The following EIF2S2 variants were observed in gnomAD, a reference collection of about 807,000 sequenced individuals.
EIF2S2 encodes the protein eukaryotic translation initiation factor 2 subunit beta.
In EIF2S2, 4 loss-of-function variants were observed where a neutral mutation model predicts 44.0. The ratio of observed to expected loss-of-function variants is 0.09; its 90% CI spans 0.04 to 0.21. The LOEUF is 0.21. EIF2S2 is among the 10% of genes least tolerant of loss of function. The pLI, the probability that EIF2S2 is intolerant of heterozygous loss-of-function variation, is 1.00. For missense variants in EIF2S2, 154 were observed against 392.0 expected (o/e 0.39, Z 5.13); for synonymous variants, 108 against 128.3 (o/e 0.84, Z 1.07).
Position 34,089,607 on chromosome 20 carries a change from C to T in EIF2S2, c.*123G>A. On this transcript the variant is annotated 3_prime_UTR_variant, in exon 9 of 9. Coordinates refer to ENST00000374980, the MANE Select transcript of EIF2S2 (RefSeq NM_003908.5). ...CGTCTTGCAAGGACTTCAGACCAACCACTCGCCAAAAATCTTGGCAGCTTT... is the reference window on the plus strand; with the variant it reads ...CGTCTTGCAAGGACTTCAGACCAACTACTCGCCAAAAATCTTGGCAGCTTT... The T allele has an allele frequency of 2.7e-6, 3 of 1,105,814 alleles. No homozygotes were observed. The highest frequency in any genetic ancestry group is 3.8e-6 in the Non-Finnish European group (3 of 798,568). The allele number at this position is 1,105,814 out of a possible 1,614,324, so 68.5% of individuals were successfully genotyped here. A position where few individuals can be genotyped will look rare whatever the true frequency, so the allele number is the denominator to read the frequency against.
intron 6 of EIF2S2, 39 bp from the exon 7 acceptor site, chr20:34,093,770 T>G: frequency 6.5e-7 from 1 of 1,533,698 alleles, no homozygotes; most frequent in Non-Finnish European, 8.9e-7. Flanking sequence ...TTATCTCTCA[T>G]GGAAATCTCA....
chr20:34,105,609 A>G, intron 1 of EIF2S2, 64 bp from the exon 2 acceptor site: 1 of 1,409,174 alleles, frequency 7.1e-7, no homozygotes, highest in East Asian at 2.5e-5. Flanking sequence ...TCACATTCCA[A>G]ATATGCTTTA....
intron 8 of EIF2S2, 30 bp downstream of exon 8, chr20:34,090,487 G>T: frequency 7.6e-7 from 1 of 1,320,332 alleles, no homozygotes; most frequent in Non-Finnish European, 1.0e-6. Flanking sequence ...ACATTTCAGG[G>T]TGATCTAATG....
At position 34,088,890 on chromosome 20, in the gene EIF2S2, G is replaced by A. The variant is rs139832457; in HGVS notation, c.*840C>T. ...CAGAACACAAGTTGGCTAGGAAAAC[G>A]GAAAGCTTCCTCTGGCATCCCTGTT... On this transcript the variant is annotated 3_prime_UTR_variant, in exon 9 of 9. Transcript: ENST00000374980. 1,574 of 152,398 alleles carry A rather than the reference G, an allele frequency of 0.01. 13 individuals are homozygous for A. Among genetic ancestry groups the A allele is most frequent in the Non-Finnish European group, 0.017 (1,175 of 68,018 alleles). The allele number at this position is 152,398 out of a possible 1,614,324, so 9.4% of individuals were successfully genotyped here.
chr20:34,108,487 C>A (rs1272406225), intron 1 of EIF2S2, among the ~76,000 whole-genome samples: 2 of 152,176 alleles, frequency 1.3e-5, no homozygotes, highest in Non-Finnish European at 2.9e-5. Flanking sequence ...ACTAAAATGG[C>A]TTTTTAAGAC....
At chr20:34,105,322 C>T (rs1369159543) in intron 2 of EIF2S2, 46 bp downstream of exon 2, 32 of 1,585,082 alleles carry the variant, frequency 2.0e-5, no homozygotes, top group Non-Finnish European at 2.4e-5. Context: ...GCTCATAGAA[C>T]CAGGGCTTCT....
intron 6 of EIF2S2, among the ~76,000 whole-genome samples, chr20:34,094,844 C>A (rs903696147): frequency 5.3e-5 from 8 of 152,140 alleles, no homozygotes; most frequent in Non-Finnish European, 5.9e-5. Flanking sequence ...CTAACTACAA[C>A]AATTTTTAAG....
At chr20:34,098,385 G>T in intron 4 of EIF2S2, 113 bp downstream of exon 4, 1 of 1,197,600 alleles carries the variant, frequency 8.4e-7, no homozygotes, top group Non-Finnish European at 1.2e-6. Flanking sequence ...TTATCAGTCA[G>T]TAGAAATAAG....
chr20:34,108,883 G>A (rs1367031554), intron 1 of EIF2S2, among the ~76,000 whole-genome samples: 3 of 151,800 alleles, frequency 2.0e-5, no homozygotes, highest in Non-Finnish European at 4.4e-5. Context: ...TCCTTCCAAA[G>A]GTGACCAGAA....
intron 6 of EIF2S2, 119 bp downstream of exon 6, chr20:34,096,538 C>T: frequency 3.9e-6 from 4 of 1,025,450 alleles, no homozygotes; most frequent in Non-Finnish European, 5.7e-6. Context: ...CTCCCTCAAC[C>T]CCTACACCTG....
intron 1 of EIF2S2, among the ~76,000 whole-genome samples, chr20:34,107,119 A>G (rs1380742975): frequency 6.6e-6 from 1 of 152,032 alleles, no homozygotes; most frequent in Non-Finnish European, 1.5e-5. Flanking sequence ...TGGAGCTTGC[A>G]GTGAGCCGAG....
chr20:34,107,964 C>T (rs149735333), intron 1 of EIF2S2, among the ~76,000 whole-genome samples: 24 of 152,316 alleles, frequency 1.6e-4, no homozygotes, highest in African/African-American at 5.3e-4. Context: ...GAGTCCCCCA[C>T]TGCAAGGAGT....
chr20:34,110,108 A>C (rs552836727), intron 1 of EIF2S2, among the ~76,000 whole-genome samples: 8 of 152,140 alleles, frequency 5.3e-5, no homozygotes, highest in East Asian at 1.9e-4. Context: ...AAAAAAAAAA[A>C]AAAAAAACAG....
intron 6 of EIF2S2, among the ~76,000 whole-genome samples, chr20:34,095,093 A>G (rs1475846559): frequency 6.6e-6 from 1 of 152,248 alleles, no homozygotes; most frequent in African/African-American, 2.4e-5. Flanking sequence ...TGCCTCTGAT[A>G]ATAAAAACCT....
intron 6 of EIF2S2, among the ~76,000 whole-genome samples, chr20:34,094,898 A>T (rs2034209283): frequency 6.6e-6 from 1 of 152,238 alleles, no homozygotes; most frequent in Non-Finnish European, 1.5e-5. Context: ...GTAAAAATAT[A>T]ATAAAATAGG....
At chr20:34,104,777 G>A (rs1463614114) in intron 2 of EIF2S2, among the ~76,000 whole-genome samples, 2 of 152,196 alleles carry the variant, frequency 1.3e-5, no homozygotes, top group Non-Finnish European at 2.9e-5. Flanking sequence ...CAACAGGAAT[G>A]AGTTACTTTC....
chr20:34,101,430 T>C (rs918614226), intron 3 of EIF2S2, among the ~76,000 whole-genome samples: 3 of 152,078 alleles, frequency 2.0e-5, no homozygotes, highest in African/African-American at 7.2e-5. Context: ...AGTGAGACTT[T>C]GTCTCAAATA....
At chr20:34,101,221 G>A (rs1022955925) in intron 3 of EIF2S2, among the ~76,000 whole-genome samples, 2 of 152,186 alleles carry the variant, frequency 1.3e-5, no homozygotes, top group Admixed American at 6.5e-5. Context: ...AAGGCAGGCG[G>A]ATCACCTAAG....
intron 1 of EIF2S2, among the ~76,000 whole-genome samples, chr20:34,111,763 G>A (rs2034415554): frequency 6.6e-6 from 1 of 152,272 alleles, no homozygotes; most frequent in Non-Finnish European, 1.5e-5. Flanking sequence ...CCAGCAGAAA[G>A]GAATGCAGGG....
Sources: gnomAD v4.1 joint callset for allele counts (sites outside exome capture counted in the v4.1 genomes callset) on GRCh38, gnomAD v4.1.1 for gene constraint, MANE v1.5 for transcripts, NCBI Gene and HGNC (gene_info 2026-07-23, HGNC 2026-07-21) for gene names.